MGAT4C: variants seen among roughly 807,000 people sequenced by gnomAD.
The protein encoded by MGAT4C is MGAT4 family member C.
Under a neutral mutation model 40.1 loss-of-function variants are expected in MGAT4C, and 19 were observed. The ratio of observed to expected loss-of-function variants is 0.47; its 90% CI spans 0.33 to 0.70. The LOEUF (loss-of-function observed/expected upper bound fraction) is 0.70, where lower values mean the gene tolerates loss of function less well. Among genes scored for constraint, MGAT4C ranks in the 30% least tolerant of loss-of-function variants. MGAT4C has a pLI of 0.02. For synonymous variants in MGAT4C, 181 were observed against 187.1 expected (o/e 0.97, Z 0.27); for missense variants, 491 against 563.2 (o/e 0.87, Z 1.30).
intron 3 of MGAT4C, among the ~76,000 whole-genome samples, chr12:86,354,194 G>A (rs143151937): frequency 6.6e-6 from 1 of 152,170 alleles, no homozygotes; most frequent in East Asian, 1.9e-4. Context: ...TAGAAGTTGG[G>A]TCATATCATT....
At chr12:86,223,068 C>T (rs372569981) in intron 1 of MGAT4C, among the ~76,000 whole-genome samples, 8 of 152,274 alleles carry the variant, frequency 5.3e-5, no homozygotes, top group East Asian at 3.9e-4. Context: ...CACAGGCATC[C>T]GAACCCTGAG....
intron 3 of MGAT4C, among the ~76,000 whole-genome samples, chr12:86,418,025 C>A (rs1289847437): frequency 2.0e-5 from 3 of 152,052 alleles, no homozygotes; most frequent in Non-Finnish European, 4.4e-5. Context: ...ATTCCAAAAC[C>A]TTTATGGTTA....
At chr12:86,214,370 G>A (rs950289989) in intron 1 of MGAT4C, among the ~76,000 whole-genome samples, 1 of 152,124 alleles carries the variant, frequency 6.6e-6, no homozygotes, top group African/African-American at 2.4e-5. Flanking sequence ...CAGAATATTT[G>A]TCATTATCTG....
chr12:86,748,800 G>A (rs960734839), intron 1 of MGAT4C, among the ~76,000 whole-genome samples: 7 of 151,378 alleles, frequency 4.6e-5, no homozygotes, highest in Admixed American at 2.0e-4. Context: ...AAATTATCAA[G>A]AAATAAAGAA....
At chr12:86,222,802 A>C (rs543351727) in intron 1 of MGAT4C, among the ~76,000 whole-genome samples, 1 of 152,308 alleles carries the variant, frequency 6.6e-6, no homozygotes, top group Admixed American at 6.5e-5. Context: ...GAGAAGGTTA[A>C]TGTCAAGATT....
intron 2 of MGAT4C, among the ~76,000 whole-genome samples, chr12:86,536,027 T>A (rs901229570): frequency 2.0e-5 from 3 of 152,094 alleles, no homozygotes; most frequent in Non-Finnish European, 2.9e-5. Flanking sequence ...AATGAAACAT[T>A]AGAAATTTAA....
chr12:86,614,921 GAAGT>G (rs970259196), intron 2 of MGAT4C, among the ~76,000 whole-genome samples: 13 of 151,804 alleles, frequency 8.6e-5, no homozygotes, highest in African/African-American at 3.1e-4. Context: ...GTAATCTTAT[GAAGT>G]AATATTCTAT....
intron 2 of MGAT4C, among the ~76,000 whole-genome samples, chr12:86,510,457 A>G (rs1236635168): frequency 2.0e-5 from 3 of 152,176 alleles, no homozygotes; most frequent in Non-Finnish European, 4.4e-5. Context: ...ACCAGCTAAC[A>G]TCATAATGAC....
intron 2 of MGAT4C, among the ~76,000 whole-genome samples, chr12:86,578,269 A>C (rs995121454): frequency 2.0e-5 from 3 of 151,816 alleles, no homozygotes; most frequent in African/African-American, 7.2e-5. Flanking sequence ...CTTTCTCAGA[A>C]GGACATGTGG....
At chr12:86,630,475 C>G (rs1962995113) in intron 2 of MGAT4C, among the ~76,000 whole-genome samples, 1 of 152,074 alleles carries the variant, frequency 6.6e-6, no homozygotes. Flanking sequence ...ACCAATATTC[C>G]TGATGAACAT....
At chr12:86,191,656 CACACACACACACACACA>C (rs1889480797) in intron 1 of MGAT4C, among the ~76,000 whole-genome samples, 12 of 147,448 alleles carry the variant, frequency 8.1e-5, no homozygotes, top group Admixed American at 4.1e-4. Flanking sequence ...CACACACACA[CACACACACACACACACA>C]CCCTTATCTC....
At chr12:86,455,303 A>G (rs1040748761) in intron 2 of MGAT4C, among the ~76,000 whole-genome samples, 2 of 152,154 alleles carry the variant, frequency 1.3e-5, no homozygotes, top group African/African-American at 4.8e-5. Flanking sequence ...GTATATACTA[A>G]TAAATTAATT....
At chr12:86,777,406 G>A (rs1951764426) in intron 1 of MGAT4C, among the ~76,000 whole-genome samples, 1 of 152,136 alleles carries the variant, frequency 6.6e-6, no homozygotes, top group South Asian at 2.1e-4. Flanking sequence ...TATCTAATTT[G>A]TTTGCAGATA....
intron 2 of MGAT4C, among the ~76,000 whole-genome samples, chr12:86,545,176 A>G (rs938745901): frequency 3.3e-5 from 5 of 152,024 alleles, no homozygotes; most frequent in Admixed American, 2.6e-4. Context: ...TAAAATGTAA[A>G]TCAATTTATA....
intron 1 of MGAT4C, among the ~76,000 whole-genome samples, chr12:86,142,078 C>A (rs138867422): frequency 3.9e-5 from 6 of 152,268 alleles, no homozygotes; most frequent in African/African-American, 1.4e-4. Flanking sequence ...ACTCCCCTGG[C>A]TTTAGTCAGT....
At chr12:86,359,902 C>A (rs1459189904) in intron 3 of MGAT4C, among the ~76,000 whole-genome samples, 1 of 152,140 alleles carries the variant, frequency 6.6e-6, no homozygotes, top group Non-Finnish European at 1.5e-5. Flanking sequence ...ACCAGAGGTA[C>A]AAAGAGGAGC....
chr12:86,183,488 A>G (rs1053422762), intron 1 of MGAT4C, among the ~76,000 whole-genome samples: 5 of 152,192 alleles, frequency 3.3e-5, no homozygotes, highest in African/African-American at 1.2e-4. Flanking sequence ...TATCCAGCAA[A>G]CTATCTGATA....
At chr12:86,578,032 C>A (rs766326862) in intron 2 of MGAT4C, among the ~76,000 whole-genome samples, 3 of 151,660 alleles carry the variant, frequency 2.0e-5, no homozygotes, top group Non-Finnish European at 4.4e-5. Context: ...AAACCTGTAA[C>A]CTGATTACCT....
At chr12:86,631,436 C>T (rs1399842096) in intron 2 of MGAT4C, among the ~76,000 whole-genome samples, 8 of 151,962 alleles carry the variant, frequency 5.3e-5, no homozygotes, top group Admixed American at 1.3e-4. Context: ...AAAAAGAGCC[C>T]GCATTGCCAA....
Sources: gnomAD v4.1 joint callset for allele counts (sites outside exome capture counted in the v4.1 genomes callset) on GRCh38, gnomAD v4.1.1 for gene constraint, MANE v1.5 for transcripts, NCBI Gene and HGNC (gene_info 2026-07-23, HGNC 2026-07-21) for gene names.